The following UEVLD variants were observed in gnomAD, a reference collection of about 807,000 sequenced individuals.
The protein encoded by UEVLD is UEV and lactate/malate dehyrogenase domains, also known as ubiquitin-conjugating enzyme E2 variant 3.
Under a neutral mutation model 58.6 loss-of-function variants are expected in UEVLD, and 47 were observed. The ratio of observed to expected loss-of-function variants is 0.80; its 90% CI spans 0.63 to 1.02. The LOEUF (loss-of-function observed/expected upper bound fraction) is 1.02, where lower values mean the gene tolerates loss of function less well. Ranked by LOEUF, UEVLD falls within the 50% of genes least tolerant of loss-of-function variation. The pLI is 0.00. For missense variants in UEVLD, 510 were observed against 550.6 expected, an observed-to-expected ratio of 0.93 and a Z score of 0.74; for synonymous variants, 197 against 195.3, an observed-to-expected ratio of 1.01 and a Z score of -0.07.
At chr11:18,555,209 G>A (rs909401478) in intron 7 of UEVLD, among the ~76,000 whole-genome samples, 22 of 152,022 alleles carry the variant, frequency 1.4e-4, no homozygotes, top group South Asian at 1.0e-3. Flanking sequence ...GGTGGATCAC[G>A]AGGTCAGGAG....
intron 4 of UEVLD, among the ~76,000 whole-genome samples, chr11:18,568,288 A>G (rs1276346002): frequency 6.6e-6 from 1 of 152,238 alleles, no homozygotes; most frequent in African/African-American, 2.4e-5. Flanking sequence ...CAAAATTATG[A>G]AAAGAGATGC....
intron 2 of UEVLD, among the ~76,000 whole-genome samples, chr11:18,575,952 T>G (rs1407789366): frequency 6.6e-6 from 1 of 152,168 alleles, no homozygotes; most frequent in Non-Finnish European, 1.5e-5. Context: ...CTTTTCCCAT[T>G]TTCATTAGCC....
intron 5 of UEVLD, among the ~76,000 whole-genome samples, chr11:18,565,599 C>T (rs1034240960): frequency 2.6e-5 from 4 of 152,134 alleles, no homozygotes; most frequent in Non-Finnish European, 4.4e-5. Context: ...GAAGCCAAGG[C>T]GGGAGGATCA....
intron 7 of UEVLD, among the ~76,000 whole-genome samples, chr11:18,557,771 C>A (rs1289681747): frequency 6.6e-6 from 1 of 151,828 alleles, no homozygotes; most frequent in Admixed American, 6.6e-5. Flanking sequence ...TGCTATATAC[C>A]AAAAGGTAGG....
chr11:18,552,735 A>G (rs977775422), intron 7 of UEVLD, among the ~76,000 whole-genome samples: 1 of 150,514 alleles, frequency 6.6e-6, no homozygotes, highest in African/African-American at 2.4e-5. Context: ...GTGGCACACA[A>G]TTGTAATCCC....
intron 1 of UEVLD, 30 bp downstream of exon 1, chr11:18,588,583 A>G (rs1445656437): frequency 2.5e-6 from 4 of 1,607,748 alleles, no homozygotes; most frequent in Middle Eastern, 1.6e-4. Flanking sequence ...GACCCTGAGG[A>G]CCCAAACTGG....
chr11:18,534,984 A>C (rs750389907), intron 10 of UEVLD, among the ~76,000 whole-genome samples: 1 of 152,218 alleles, frequency 6.6e-6, no homozygotes, highest in Non-Finnish European at 1.5e-5. Context: ...GGACTGGTTA[A>C]ATCACTACCA....
Position 18,544,680 on chromosome 11 carries a change from T to TTA in UEVLD, c.1002_1003insTA (p.Lys335Ter), listed in dbSNP as rs750949823. ...ACTTCTTTGCCTGAAGTCTGTGCCT[T>TTA]CAAAACATTTGTAATAATATACTGT... On this transcript the variant is annotated frameshift_variant, in exon 9 of 12. Transcript: ENST00000396197. LOFTEE classifies it high-confidence loss of function. 1 of 1,591,438 alleles carries TTA rather than the reference T, an allele frequency of 6.3e-7. No homozygotes were observed. Among genetic ancestry groups the TTA allele is most frequent in the South Asian group, 1.2e-5 (1 of 86,634 alleles).
In UEVLD at chr11:18,562,328, T is replaced by G. The variant is rs149327061; in HGVS notation, c.612+2564A>C. Among the ~76,000 whole-genome samples the G allele has an allele frequency of 7.4e-3, 1,117 of 151,040 alleles. 13 individuals are homozygous for G. The highest frequency in any genetic ancestry group is 0.026 in the African/African-American group (1,066 of 41,212). Reference sequence around the variant, plus strand: ...AGGCTGAGGCAGGCAGATCACCTGATGTCAAGAGCTCGAGACCAGCCTGGC... The same window carrying G: ...AGGCTGAGGCAGGCAGATCACCTGAGGTCAAGAGCTCGAGACCAGCCTGGC... On this transcript the variant is annotated intron_variant, in intron 6 of 11. Transcript: ENST00000396197.
chr11:18,547,135 A>G, intron 7 of UEVLD, 85 bp from the exon 8 acceptor site: 1 of 1,420,628 alleles, frequency 7.0e-7, no homozygotes, highest in South Asian at 1.4e-5. Context: ...GTTCTTTTCA[A>G]CAAATAAGAG....
intron 9 of UEVLD, among the ~76,000 whole-genome samples, chr11:18,543,290 TC>T (rs1565111554): frequency 6.6e-6 from 1 of 152,026 alleles, no homozygotes; most frequent in Non-Finnish European, 1.5e-5. Flanking sequence ...TGACTAATTT[TC>T]CCCAGATCAC....
At chr11:18,576,068 G>A (rs7119501) in intron 2 of UEVLD, among the ~76,000 whole-genome samples, 21 of 152,254 alleles carry the variant, frequency 1.4e-4, no homozygotes, top group African/African-American at 3.4e-4. Flanking sequence ...AACCAACTCC[G>A]TCTTCCTTCT....
intron 9 of UEVLD, among the ~76,000 whole-genome samples, chr11:18,540,445 C>T (rs1851006469): frequency 6.6e-6 from 1 of 152,078 alleles, no homozygotes; most frequent in South Asian, 2.1e-4. Context: ...ATTTCTGATA[C>T]CAGGACCAAG....
At chr11:18,553,098 T>A (rs149416067) in intron 7 of UEVLD, among the ~76,000 whole-genome samples, 88 of 139,436 alleles carry the variant, frequency 6.3e-4, no homozygotes, top group African/African-American at 2.3e-3. Context: ...GAGGTTGCAG[T>A]GAGTCGAGAT....
At chr11:18,578,618 CAGAGGATAAAAGAGAAAA>C in intron 2 of UEVLD, 88 bp downstream of exon 2, 1 of 767,658 alleles carries the variant, frequency 1.3e-6, no homozygotes, top group Non-Finnish European at 2.2e-6. Flanking sequence ...AGCTGAAAAT[CAGAGGATAAAAGAGAAAA>C]AGAGAAATTA....
intron 2 of UEVLD, 33 bp downstream of exon 2, chr11:18,578,691 T>C (rs1245335049): frequency 6.7e-7 from 1 of 1,503,522 alleles, no homozygotes; most frequent in Non-Finnish European, 9.2e-7. Flanking sequence ...GTTCAAATAA[T>C]GCAGCATTTA....
intron 7 of UEVLD, among the ~76,000 whole-genome samples, chr11:18,557,479 C>A (rs1590339516): frequency 6.6e-6 from 1 of 151,658 alleles, no homozygotes; most frequent in Admixed American, 6.6e-5. Context: ...CACAGAAAAT[C>A]TTTTTATTAT....
rs368310853 is a variant in UEVLD at position 18,545,315 on chromosome 11, C to T, written c.887-519G>A. Among the ~76,000 whole-genome samples, 83 of 152,046 alleles carry T rather than the reference C, an allele frequency of 5.5e-4. No homozygotes were observed. In the East Asian group the frequency reaches 0.012, roughly 23 times the overall value. On this transcript the variant is annotated intron_variant, in intron 8 of 11. Transcript: ENST00000396197. ...CTCGATCTCTTGACCTCATGATCCA[C>T]TTGCCTCGGCCTCCCAAAGTGCTGG... is the stretch of plus-strand genomic sequence containing the variant.
rs1477376122 is a variant in UEVLD, at chr11:18,570,288, T to C, written c.283A>G (p.Met95Val). The change falls in exon 4 of 12, where the codon ATG (methionine) becomes GTG (valine). Residue 95 changes from methionine (M) to valine (V), a missense_variant. Transcript: ENST00000396197. ...ACATGTTTTCCGACTAAGATTCCCA[T>C]ATTTGCAGTTGGCTTCAAGAAGCAA... is the stretch of plus-strand genomic sequence containing the variant. The part of the protein sequence containing the change: ...PICFLKPTAN[M>V]GILVGKHVDA... The C allele has an allele frequency of 1.1e-5, 17 of 1,597,364 alleles. No homozygotes were observed. Among genetic ancestry groups the C allele is most frequent in the Non-Finnish European group, 1.4e-5 (17 of 1,175,426 alleles).
Sources: gnomAD v4.1 joint callset for allele counts (sites outside exome capture counted in the v4.1 genomes callset) on GRCh38, gnomAD v4.1.1 for gene constraint, MANE v1.5 for transcripts, NCBI Gene and HGNC (gene_info 2026-07-23, HGNC 2026-07-21) for gene names.